The following CACNG4 variants were observed in gnomAD, a reference collection of about 807,000 sequenced individuals.
CACNG4 encodes voltage-dependent calcium channel gamma-4 subunit.
In CACNG4, 8 loss-of-function variants were observed where a neutral mutation model predicts 22.9. The observed-to-expected ratio is 0.35, with a 90% CI of 0.21 to 0.63. The LOEUF is 0.63. Among genes scored for constraint, CACNG4 ranks in the 30% least tolerant of loss-of-function variants. The pLI, the probability that CACNG4 is intolerant of heterozygous loss-of-function variation, is 0.72. For missense variants in CACNG4, 357 were observed against 455.4 expected (o/e 0.78, Z 1.97); for synonymous variants, 188 against 191.9 (o/e 0.98, Z 0.17).
rs2035154807 is a variant in CACNG4, at chr17:66,964,749, A to T, written c.-163A>T. ...GGAGTTTGAGCCCCAGCGCTGCCGGAGCGCAGGCACGCCCGGGGCGCGGGG... is the reference window on the plus strand; with the variant it reads ...GGAGTTTGAGCCCCAGCGCTGCCGGTGCGCAGGCACGCCCGGGGCGCGGGG... On this transcript the variant is annotated 5_prime_UTR_variant, in exon 1 of 4. Coordinates refer to ENST00000262138, the MANE Select transcript of CACNG4 (RefSeq NM_014405.4). Among the ~76,000 whole-genome samples, 1 of 142,858 alleles carries T rather than the reference A, an allele frequency of 7.0e-6. No individual in the cohort carries two copies. 93.7% of individuals were successfully genotyped at this position (142,858 alleles called of 152,430 possible). A position where few individuals can be genotyped will look rare whatever the true frequency, so the allele number is the denominator to read the frequency against.
rs940321541 is a variant in CACNG4, at chr17:66,976,991, A to G, written c.220+11860A>G. ...CCTGCTCTGTGCCTAGCAGAGACAG[A>G]AGTCCCTCTCCTGCAGTATCCCTCG... is the stretch of plus-strand genomic sequence containing the variant. On this transcript the variant is annotated intron_variant, in intron 1 of 3. Coordinates refer to ENST00000262138, the MANE Select transcript of CACNG4 (RefSeq NM_014405.4). Among the ~76,000 whole-genome samples, 3 of 152,088 alleles carry G rather than the reference A, an allele frequency of 2.0e-5. 1 individual carries two copies. In the South Asian group the frequency reaches 6.2e-4, roughly 32 times the overall value.
Position 66,964,859 on chromosome 17 carries a change from C to A in CACNG4, c.-53C>A, listed in dbSNP as rs1438436341. The A allele has an allele frequency of 8.8e-7, 1 of 1,132,462 alleles. No homozygotes were observed. Among genetic ancestry groups the A allele is most frequent in the Admixed American group, 4.5e-5 (1 of 22,198 alleles). The allele number at this position is 1,132,462 out of a possible 1,614,324, so 70.2% of individuals were successfully genotyped here. On this transcript the variant is annotated 5_prime_UTR_variant, in exon 1 of 4. Transcript: ENST00000262138. ...GGAGCGGCGCGCGGAGGGAGGAGGG[C>A]GGGCGGGCGCGGCGGGCCGGGCCGG...
rs530479055 is a variant in CACNG4, at chr17:66,997,925, G to A, written c.221-20264G>A. 2.6e-5 allele frequency among the ~76,000 whole-genome samples: 4 copies of A among 152,278 alleles called. No individual in the cohort carries two copies. In the South Asian group the frequency reaches 8.3e-4, roughly 32 times the overall value. On this transcript the variant is annotated intron_variant, in intron 1 of 3. Transcript: ENST00000262138. The stretch of plus-strand genomic sequence containing the variant: ...GGAGAAGCTGCACACCCCTGAGAAG[G>A]AAGGGAAGGAGGAGGAGATCCTGAG...
chr17:66,993,549 GCA>G (rs996534073), intron 1 of CACNG4, among the ~76,000 whole-genome samples: 4 of 152,208 alleles, frequency 2.6e-5, no homozygotes, highest in Non-Finnish European at 5.9e-5. Flanking sequence ...GCCTGTTCTT[GCA>G]CACACAAGGG....
chr17:67,020,191 C>T (rs372140323), intron 2 of CACNG4: 8 of 152,504 alleles, frequency 5.2e-5, no homozygotes, highest in Non-Finnish European at 1.0e-4. Flanking sequence ...TCGCCGAGAC[C>T]CTTCTCCAAA....
intron 1 of CACNG4, among the ~76,000 whole-genome samples, chr17:66,994,835 G>C (rs2035364279): frequency 6.6e-6 from 1 of 152,180 alleles, no homozygotes; most frequent in South Asian, 2.1e-4. Flanking sequence ...GTAGTGGAGG[G>C]GGAGGGAGTG....
At chr17:67,013,225 C>T (rs1479085807) in intron 1 of CACNG4, among the ~76,000 whole-genome samples, 1 of 152,060 alleles carries the variant, frequency 6.6e-6, no homozygotes, top group Non-Finnish European at 1.5e-5. Flanking sequence ...ATGCTGCCCA[C>T]ACACCCTCTG....
rs529705871 is a variant in CACNG4, at chr17:67,023,154, T to C, written c.305-1706T>C. Among the ~76,000 whole-genome samples the C allele has an allele frequency of 2.0e-5, 3 of 152,174 alleles. No individual in the cohort carries two copies. In the East Asian group the frequency reaches 5.8e-4, roughly 29 times the overall value. On this transcript the variant is annotated intron_variant, in intron 2 of 3. Transcript: ENST00000262138. Reference sequence around the variant, plus strand: ...CGTCTTCACAGCCCCTTCTCCCCTGTGTCTTCTCCTAAGGTTCTTATAAGG... The same window carrying C: ...CGTCTTCACAGCCCCTTCTCCCCTGCGTCTTCTCCTAAGGTTCTTATAAGG...
chr17:66,999,176 G>T (rs1041537356), intron 1 of CACNG4, among the ~76,000 whole-genome samples: 33 of 152,212 alleles, frequency 2.2e-4, no homozygotes. Flanking sequence ...GCATGAGAGG[G>T]TTGCAGTGAG....
At chr17:66,974,867 G>A (rs899282468) in intron 1 of CACNG4, among the ~76,000 whole-genome samples, 2 of 152,044 alleles carry the variant, frequency 1.3e-5, no homozygotes, top group Non-Finnish European at 1.5e-5. Flanking sequence ...ATTAGTCCAC[G>A]TGGAAGCCGC....
At chr17:66,973,707 C>T (rs942194233) in intron 1 of CACNG4, among the ~76,000 whole-genome samples, 3 of 152,208 alleles carry the variant, frequency 2.0e-5, no homozygotes, top group Non-Finnish European at 4.4e-5. Context: ...GCGGCACTGC[C>T]CTCCATGACA....
intron 1 of CACNG4, among the ~76,000 whole-genome samples, chr17:67,005,880 T>C (rs1167651689): frequency 6.6e-6 from 1 of 152,202 alleles, no homozygotes; most frequent in Non-Finnish European, 1.5e-5. Context: ...CGAGTCACTA[T>C]GGAAGCCATT....
intron 1 of CACNG4, among the ~76,000 whole-genome samples, chr17:66,972,262 G>T (rs1205160949): frequency 6.6e-6 from 1 of 152,174 alleles, no homozygotes; most frequent in African/African-American, 2.4e-5. Flanking sequence ...GTTCCATAGA[G>T]CATAACTCAG....
intron 1 of CACNG4, among the ~76,000 whole-genome samples, chr17:66,967,103 C>G (rs946154080): frequency 6.6e-6 from 1 of 152,298 alleles, no homozygotes; most frequent in South Asian, 2.1e-4. Flanking sequence ...CTAACTCCTC[C>G]CCGCCAGCAA....
At chr17:66,982,860 G>A (rs992616163) in intron 1 of CACNG4, among the ~76,000 whole-genome samples, 5 of 152,292 alleles carry the variant, frequency 3.3e-5, no homozygotes, top group Admixed American at 6.5e-5. Context: ...TTGGCTATGA[G>A]AGCAAACTCT....
At chr17:66,975,034 G>A (rs758053703) in intron 1 of CACNG4, among the ~76,000 whole-genome samples, 8 of 141,868 alleles carry the variant, frequency 5.6e-5, no homozygotes, top group Admixed American at 7.2e-5. Flanking sequence ...CATCCAACAC[G>A]GCCTGCCTGC....
chr17:66,981,724 T>C (rs776306264), intron 1 of CACNG4, among the ~76,000 whole-genome samples: 12 of 152,170 alleles, frequency 7.9e-5, no homozygotes, highest in Non-Finnish European at 1.8e-4. Flanking sequence ...CTCCTCTGTT[T>C]AGAGTCCAGA....
At chr17:67,017,470 C>G (rs546286893) in intron 1 of CACNG4, among the ~76,000 whole-genome samples, 1 of 152,122 alleles carries the variant, frequency 6.6e-6, no homozygotes, top group African/African-American at 2.4e-5. Context: ...TGGAAAGCCC[C>G]CTGTGCCCCA....
intron 1 of CACNG4, among the ~76,000 whole-genome samples, chr17:66,967,078 G>T (rs1054299955): frequency 6.6e-6 from 1 of 152,096 alleles, no homozygotes; most frequent in Admixed American, 6.5e-5. Context: ...CAGTTTCCCA[G>T]TGGAAATTCT....
Sources: allele counts gnomAD v4.1 joint callset (sites outside exome capture counted in the v4.1 genomes callset), GRCh38; gene constraint gnomAD v4.1.1; transcripts MANE v1.5; gene names NCBI Gene and HGNC (gene_info 2026-07-23, HGNC 2026-07-21).